Variants in FABP1 observed in about 807,000 individuals in gnomAD.
FABP1 encodes fatty acid-binding protein, liver.
A neutral mutation model predicts 13.7 loss-of-function variants in FABP1; 13 were observed. The ratio of observed to expected loss-of-function variants is 0.95; its 90% CI spans 0.62 to 1.51. The LOEUF is 1.51. Among genes scored for constraint, FABP1 ranks in the 40% most tolerant of loss-of-function variants. The pLI, the probability that FABP1 is intolerant of heterozygous loss-of-function variation, is 0.00. For synonymous variants in FABP1, 48 were observed against 59.8 expected (o/e 0.80, Z 0.91); for missense variants, 140 against 155.7 (o/e 0.90, Z 0.54).
At position 88,123,009 on chromosome 2, in the gene FABP1, T is replaced by G. The variant is rs1262083170; in HGVS notation, c.*45A>C. ...TTTTTTTAAAACAAAGTTCACTTTA[T>G]TACATTAATTTTACACACTAAAATA... On this transcript the variant is annotated 3_prime_UTR_variant, in exon 4 of 4. Coordinates refer to ENST00000295834, the MANE Select transcript of FABP1 (RefSeq NM_001443.3). The G allele has an allele frequency of 6.6e-7, 1 of 1,508,998 alleles. No homozygotes were observed. The highest frequency in any genetic ancestry group is 1.4e-5 in the African/African-American group (1 of 71,614). 93.5% of individuals were successfully genotyped at this position (1,508,998 alleles called of 1,614,324 possible).
chr2:88,124,534 A>C lies in FABP1; in HGVS notation c.293T>G (p.Ile98Ser). The change falls in exon 3 of 4, where the codon ATC becomes AGC. Residue 98 changes from isoleucine to serine, a missense_variant. Ile to Ser is a moderately radical substitution (Grantham distance 142, BLOSUM62 -2). Transcript: ENST00000295834. ...DNKLVTTFKNIKSVTELNGDI... is the reference protein window; with the variant it reads ...DNKLVTTFKNSKSVTELNGDI... ...GCCGTTGAGTTCGGTCACAGACTTG[A>C]TGTTTTTGAAAGTTGTCACCAGTTT... 1 of 1,611,810 alleles carries C rather than the reference A, an allele frequency of 6.2e-7. No homozygotes were observed. The highest frequency in any genetic ancestry group is 8.5e-7 in the Non-Finnish European group (1 of 1,179,008).
At chr2:88,125,270 T>C (rs1675275553) in intron 2 of FABP1, among the ~76,000 whole-genome samples, 1 of 152,194 alleles carries the variant, frequency 6.6e-6, no homozygotes, top group African/African-American at 2.4e-5. Context: ...AAAAGGCCCA[T>C]AGTTAAATCC....
At chr2:88,124,687 C>T in intron 2 of FABP1, 101 bp from the exon 3 acceptor site, 1 of 756,704 alleles carries the variant, frequency 1.3e-6, no homozygotes, top group South Asian at 1.7e-5. Flanking sequence ...CTCATAACAA[C>T]CAAAATGCTC....
chr2:88,123,171 AT>A, intron 3 of FABP1, 67 bp from the exon 4 acceptor site: 1 of 1,354,742 alleles, frequency 7.4e-7, no homozygotes, highest in Non-Finnish European at 1.0e-6. Flanking sequence ...AAAATTAAGC[AT>A]AAAAAACAAA....
At chr2:88,126,468 G>A in intron 1 of FABP1, 120 bp from the exon 2 acceptor site, 1 of 1,046,052 alleles carries the variant, frequency 9.6e-7, no homozygotes, top group Non-Finnish European at 1.4e-6. Flanking sequence ...GTCTCCCAAG[G>A]GGCCACAGAA....
chr2:88,123,376 T>A lies in FABP1; in HGVS notation c.334-272A>T, dbSNP rs78572065. The A allele has an allele frequency of 3.0e-3, 1,386 of 458,660 alleles. 16 individuals carry two copies. Among genetic ancestry groups the A allele is most frequent in the African/African-American group, 0.025 (1,246 of 50,198 alleles). The allele number at this position is 458,660 out of a possible 1,614,324, so 28.4% of individuals were successfully genotyped here. On this transcript the variant is annotated intron_variant, in intron 3 of 3. Coordinates refer to ENST00000295834, the MANE Select transcript of FABP1 (RefSeq NM_001443.3). ...TTCTTTTCTACATCAATGACTGTTA[T>A]AGCAAGACCATCCAAACCAGCCCAA...
At chr2:88,124,255 G>A (rs1675255631) in intron 3 of FABP1, 3 of 467,952 alleles carry the variant, frequency 6.4e-6, no homozygotes, top group Non-Finnish European at 1.1e-5. Context: ...TGCAGGGCAG[G>A]TGGAGGCCTC....
rs757739659 is a variant in FABP1, at chr2:88,123,061, C to A, written c.377G>T (p.Arg126Ile). Reference sequence around the variant, plus strand: ...TATGAAATGCAGACTTGTTTAAATTCTCTTGCTGATTCTCTTGAAGACAAT... The same window carrying A: ...TATGAAATGCAGACTTGTTTAAATTATCTTGCTGATTCTCTTGAAGACAAT... ...GDIVFKRISK[R>I]I The change falls in exon 4 of 4, where the codon AGA (arginine) becomes ATA (isoleucine). Residue 126 changes from arginine to isoleucine, a missense_variant. By Grantham distance (97) the Arg-to-Ile change is moderately conservative. Transcript: ENST00000295834. The A allele has an allele frequency of 1.9e-6, 3 of 1,609,998 alleles. No individual in the cohort carries two copies. Among genetic ancestry groups the A allele is most frequent in the Non-Finnish European group, 2.5e-6 (3 of 1,178,494 alleles).
At chr2:88,124,737 A>G (rs927051021) in intron 2 of FABP1, 151 bp from the exon 3 acceptor site, 21 of 573,918 alleles carry the variant, frequency 3.7e-5, no homozygotes, top group Non-Finnish European at 6.1e-5. Context: ...TCTGGCTCCA[A>G]ATAGAAGTGA....
Position 88,123,098 on chromosome 2 carries a change from T to G in FABP1, c.340A>C (p.Thr114Pro). Reference protein sequence around the residue: ...LNGDIITNTMTLGDIVFKRIS... With the variant: ...LNGDIITNTMPLGDIVFKRIS... ...CTCTTGAAGACAATGTCACCCAATG[T>G]CATGGTCTGAAAGCCAGAAAAGAAA... The change falls in exon 4 of 4, where the codon ACA (threonine) becomes CCA (proline). Residue 114 changes from threonine (T) to proline (P), a missense_variant. Transcript: ENST00000295834. 1 of 1,611,036 alleles carries G rather than the reference T, an allele frequency of 6.2e-7. No homozygotes were observed. Among genetic ancestry groups the G allele is most frequent in the South Asian group, 1.1e-5 (1 of 89,876 alleles).
Position 88,123,025 on chromosome 2 carries a change from C to T in FABP1, c.*29G>A, listed in dbSNP as rs760422312. ...TTCACTTTATTACATTAATTTTACACACTAAAATAATATGAAATGCAGACT... is the reference window on the plus strand; with the variant it reads ...TTCACTTTATTACATTAATTTTACATACTAAAATAATATGAAATGCAGACT... On this transcript the variant is annotated 3_prime_UTR_variant, in exon 4 of 4. Coordinates refer to ENST00000295834, the MANE Select transcript of FABP1 (RefSeq NM_001443.3). 1.3e-6 allele frequency: 2 copies of T among 1,568,886 alleles called. No homozygotes were observed. The highest frequency in any genetic ancestry group is 1.8e-5 in the Admixed American group (1 of 55,586).
At chr2:88,123,437 G>T in intron 3 of FABP1, 2 of 305,796 alleles carry the variant, frequency 6.5e-6, no homozygotes, top group South Asian at 5.1e-5. Flanking sequence ...TACCTACTAT[G>T]CACCAAATAC....
In FABP1 at chr2:88,123,111, G is replaced by A; in HGVS notation, c.334-7C>T. The A allele has an allele frequency of 6.2e-7, 1 of 1,606,864 alleles. No individual in the cohort carries two copies. Among genetic ancestry groups the A allele is most frequent in the Non-Finnish European group, 8.5e-7 (1 of 1,177,598 alleles). On this transcript the variant is annotated splice_polypyrimidine_tract_variant and splice_region_variant and intron_variant, in intron 3 of 3. Coordinates refer to ENST00000295834, the MANE Select transcript of FABP1 (RefSeq NM_001443.3). ...TGTCACCCAATGTCATGGTCTGAAA[G>A]CCAGAAAAGAAATTATGAAGTGTTC...
At position 88,127,989 on chromosome 2, in the gene FABP1, T is replaced by C. The variant is rs1012488085; in HGVS notation, c.29A>G (p.Gln10Arg). The C allele has an allele frequency of 6.2e-7, 1 of 1,614,134 alleles. No homozygotes were observed. The highest frequency in any genetic ancestry group is 8.5e-7 in the Non-Finnish European group (1 of 1,180,044). MSFSGKYQL[Q>R]SQENFEAFMK... Reference sequence around the variant, plus strand: ...GAAGGCTTCAAAGTTTTCCTGGCTCTGCAGTTGGTACTTGCCGGAGAAACT... The same window carrying C: ...GAAGGCTTCAAAGTTTTCCTGGCTCCGCAGTTGGTACTTGCCGGAGAAACT... Residue 10 changes from glutamine (Q) to arginine (R), a missense_variant, in exon 1 of 4, where the codon CAG (glutamine) becomes CGG (arginine). Physicochemically the swap from Gln to Arg is conservative, Grantham distance 43. Transcript: ENST00000295834.
intron 2 of FABP1, 57 bp from the exon 3 acceptor site, chr2:88,124,643 G>C (rs1675264356): frequency 7.5e-7 from 1 of 1,331,276 alleles, no homozygotes; most frequent in South Asian, 1.2e-5. Flanking sequence ...CAAGAGCCTT[G>C]CTAATGAAGT....
rs1174624276 is a variant in FABP1, at chr2:88,126,581, G to A, written c.68-233C>T. The A allele has an allele frequency of 3.4e-5, 16 of 465,924 alleles. No individual in the cohort carries two copies. The East Asian group carries it at 5.2e-4, about 15-fold the overall frequency. The allele number at this position is 465,924 out of a possible 1,614,324, so 28.9% of individuals were successfully genotyped here. Reference sequence around the variant, plus strand: ...ATCTTGCCAGTCAATTTATAAAAAGGACACTCTTCTGGCCTGAAGAACCGT... The same window carrying A: ...ATCTTGCCAGTCAATTTATAAAAAGAACACTCTTCTGGCCTGAAGAACCGT... On this transcript the variant is annotated intron_variant, in intron 1 of 3. Transcript: ENST00000295834.
chr2:88,125,399 C>G (rs1675277807), intron 2 of FABP1, among the ~76,000 whole-genome samples: 1 of 152,144 alleles, frequency 6.6e-6, no homozygotes, highest in African/African-American at 2.4e-5. Flanking sequence ...ACACGCCCAG[C>G]CCAATGAACA....
Position 88,126,349 on chromosome 2 carries a change from C to A in FABP1, c.68-1G>T, listed in dbSNP as rs1229210421. ...TTCTGGATGAGCTCTTCCGGCAGAC[C>A]TGGTGGAAACCGTCTGAGGTTTAGA... is the stretch of plus-strand genomic sequence containing the variant. On this transcript the variant is annotated splice_acceptor_variant, in intron 1 of 3. Coordinates refer to ENST00000295834, the MANE Select transcript of FABP1 (RefSeq NM_001443.3). LOFTEE classifies it high-confidence loss of function. 1.1e-5 allele frequency: 18 copies of A among 1,612,250 alleles called. No homozygotes were observed. The highest frequency in any genetic ancestry group is 1.5e-5 in the Non-Finnish European group (18 of 1,178,456).
At chr2:88,123,146 T>C (rs898933374) in intron 3 of FABP1, 42 bp from the exon 4 acceptor site, 4 of 1,543,978 alleles carry the variant, frequency 2.6e-6, no homozygotes, top group Non-Finnish European at 3.5e-6. Context: ...CATCTGATGT[T>C]GTATTGTAAA....
Sources: gnomAD v4.1 joint callset for allele counts (sites outside exome capture counted in the v4.1 genomes callset) on GRCh38, gnomAD v4.1.1 for gene constraint, MANE v1.5 for transcripts, NCBI Gene and HGNC (gene_info 2026-07-23, HGNC 2026-07-21) for gene names.